Variants in LRRC27 observed in about 807,000 individuals in gnomAD.
LRRC27 encodes the protein leucine rich repeat containing 27.
In LRRC27, 57 loss-of-function variants were observed where a neutral mutation model predicts 55.0. That is an observed-to-expected ratio of 1.04 (90% confidence interval 0.84 to 1.29). The LOEUF is 1.29. Ranked by LOEUF, LRRC27 falls within the 50% of genes most tolerant of loss-of-function variation. LRRC27 has a pLI of 0.00. For synonymous variants in LRRC27, 278 were observed against 251.9 expected (o/e 1.10, Z -0.98); for missense variants, 721 against 651.5 (o/e 1.11, Z -1.16).
At chr10:132,335,103 A>T (rs2067050585) in intron 2 of LRRC27, 1 of 152,234 alleles carries the variant, frequency 6.6e-6, no homozygotes, top group South Asian at 2.1e-4. Context: ...ACCACATGAG[A>T]AACAAACTTA....
In LRRC27 at chr10:132,375,950, T is replaced by A. The variant is rs2069333101; in HGVS notation, c.*708T>A. The A allele has an allele frequency of 6.6e-6, 1 of 152,088 alleles. No homozygotes were observed. Among genetic ancestry groups the A allele is most frequent in the African/African-American group, 2.4e-5 (1 of 41,380 alleles). The allele number at this position is 152,088 out of a possible 1,614,324, so 9.4% of individuals were successfully genotyped here. Reference sequence around the variant, plus strand: ...CCAGGCTGTGTAGATTCTGTGTGACTTAGTCTCTTGTGCTGAGTGTTTGCT... The same window carrying A: ...CCAGGCTGTGTAGATTCTGTGTGACATAGTCTCTTGTGCTGAGTGTTTGCT... On this transcript the variant is annotated 3_prime_UTR_variant, in exon 11 of 11. Transcript: ENST00000368614.
chr10:132,365,279 G>C (rs2133084199), intron 9 of LRRC27, 145 bp from the exon 10 acceptor site: 1 of 1,143,876 alleles, frequency 8.7e-7, no homozygotes, highest in African/African-American at 1.5e-5. Context: ...CAGCGCCACA[G>C]TAACTGGCAC....
chr10:132,372,772 G>A lies in LRRC27; in HGVS notation c.1417-2294G>A, dbSNP rs937692964. On this transcript the variant is annotated intron_variant, in intron 10 of 10. Transcript: ENST00000368614. The surrounding 1 kb of genome is among the most constrained non-coding windows in gnomAD (Gnocchi z 4.0). ...CCTGCAGAAGGTCAGGTGCACAACCGACCAGGAGGGCTGGCCAGCTCCATG... is the reference window on the plus strand; with the variant it reads ...CCTGCAGAAGGTCAGGTGCACAACCAACCAGGAGGGCTGGCCAGCTCCATG... Among the ~76,000 whole-genome samples the A allele has an allele frequency of 2.0e-5, 3 of 152,134 alleles. No homozygotes were observed. Among genetic ancestry groups the A allele is most frequent in the Non-Finnish European group, 4.4e-5 (3 of 68,030 alleles).
intron 9 of LRRC27, among the ~76,000 whole-genome samples, chr10:132,364,762 T>C (rs61864523): frequency 0.16 from 188 of 1,202 alleles, 1 homozygote; most frequent in Admixed American, 0.38. Context: ...ACACTTACAC[T>C]CATGCTTACA....
intron 9 of LRRC27, among the ~76,000 whole-genome samples, chr10:132,362,346 G>T (rs1039281033): frequency 6.6e-5 from 10 of 152,202 alleles, no homozygotes; most frequent in African/African-American, 2.4e-4. Flanking sequence ...GGACCAACGT[G>T]AGGGGAAGGG....
chr10:132,333,819 G>T, intron 2 of LRRC27, 85 bp downstream of exon 2: 1 of 1,021,472 alleles, frequency 9.8e-7, no homozygotes, highest in South Asian at 1.6e-5. Flanking sequence ...TTATTTGTAG[G>T]CTTCTTTCTC....
At chr10:132,352,674 TGAGGCCTCCATGTGGGGCAGGTGCA>T (rs2068105827) in intron 7 of LRRC27, among the ~76,000 whole-genome samples, 1 of 138,088 alleles carries the variant, frequency 7.2e-6, no homozygotes, top group Non-Finnish European at 1.5e-5. Flanking sequence ...GGGCAGGCGC[TGAGGCCTCCATGTGGGGCAGGTGCA>T]GCGCTCGTGG....
At chr10:132,330,962 G>C (rs7096166), upstream of LRRC27, among the ~76,000 whole-genome samples, 1 of 150,452 alleles carries the variant, frequency 6.6e-6, no homozygotes, top group Non-Finnish European at 1.5e-5. Context: ...CAGCACTTTG[G>C]GAGGCCGAGG....
Position 132,363,718 on chromosome 10 carries a change from C to T in LRRC27, c.1290-1706C>T, listed in dbSNP as rs114032511. ...GCTTGGAAGGCCCAGGGCCTGGCCC[C>T]GGCCCTGCTGCTCAGCGTACGTCTG... On this transcript the variant is annotated intron_variant, in intron 9 of 10. Coordinates refer to ENST00000368614, the MANE Select transcript of LRRC27 (RefSeq NM_030626.3). Among the ~76,000 whole-genome samples the T allele has an allele frequency of 9.1e-3, 1,388 of 152,266 alleles. 13 individuals are homozygous for T. Among genetic ancestry groups the T allele is most frequent in the African/African-American group, 0.023 (941 of 41,560 alleles).
chr10:132,342,278 A>T lies in LRRC27; in HGVS notation c.400+7A>T, dbSNP rs1333847929. On this transcript the variant is annotated splice_region_variant and intron_variant, in intron 4 of 10. Coordinates refer to ENST00000368614, the MANE Select transcript of LRRC27 (RefSeq NM_030626.3). ...ATGTTACCTGTGGAGCTGGGTAAGTATAAAATAATAAAAAGATGATTTTAA... is the reference window on the plus strand; with the variant it reads ...ATGTTACCTGTGGAGCTGGGTAAGTTTAAAATAATAAAAAGATGATTTTAA... The T allele has an allele frequency of 6.8e-7, 1 of 1,474,768 alleles. No homozygotes were observed. Among genetic ancestry groups the T allele is most frequent in the Non-Finnish European group, 9.1e-7 (1 of 1,094,810 alleles). The allele number at this position is 1,474,768 out of a possible 1,614,324, so 91.4% of individuals were successfully genotyped here.
chr10:132,352,097 GATGCTGAGGCCTCC>G (rs2068054691), intron 7 of LRRC27, among the ~76,000 whole-genome samples: 1 of 86,962 alleles, frequency 1.1e-5, no homozygotes, highest in Non-Finnish European at 2.6e-5. Flanking sequence ...GTGTGGGGCA[GATGCTGAGGCCTCC>G]GTGTGGGGCA....
intron 5 of LRRC27, 142 bp downstream of exon 5, chr10:132,344,792 C>T: frequency 2.4e-6 from 2 of 819,310 alleles, no homozygotes; most frequent in Non-Finnish European, 3.7e-6. Context: ...ACACAGTGTA[C>T]ACTGATCTCA....
chr10:132,332,635 G>A (rs1199661075), intron 1 of LRRC27: 2 of 152,128 alleles, frequency 1.3e-5, no homozygotes, highest in African/African-American at 4.8e-5. Context: ...GTGATTCGGA[G>A]AAAACAAGTG....
intron 10 of LRRC27, chr10:132,366,824 C>T: frequency 7.9e-7 from 1 of 1,261,420 alleles, no homozygotes; most frequent in Non-Finnish European, 1.0e-6. Context: ...CCCACCATTT[C>T]CGCTGTTTCC....
In LRRC27 at chr10:132,355,860, A is replaced by G. The variant is rs1366753140; in HGVS notation, c.1144A>G (p.Lys382Glu). The change falls in exon 8 of 11, where the codon AAA becomes GAA. Residue 382 changes from lysine to glutamate, a missense_variant. Physicochemically the swap from Lys to Glu is moderately conservative, Grantham distance 56. Coordinates refer to ENST00000368614, the MANE Select transcript of LRRC27 (RefSeq NM_030626.3). ...GAGGAAGAGGAAGGAAGAGCTCAGCAAACTCCTGCCTCCGCGGAGGAGCAT... is the reference window on the plus strand; with the variant it reads ...GAGGAAGAGGAAGGAAGAGCTCAGCGAACTCCTGCCTCCGCGGAGGAGCAT... ...RMRKRKEELS[K>E]LLPPRRSMVA... The G allele has an allele frequency of 1.4e-5, 22 of 1,557,418 alleles. No homozygotes were observed. Among genetic ancestry groups the G allele is most frequent in the South Asian group, 3.6e-5 (3 of 84,420 alleles).
chr10:132,333,805 G>T (rs1489292267), intron 2 of LRRC27, 71 bp downstream of exon 2: 4 of 1,153,990 alleles, frequency 3.5e-6, no homozygotes, highest in Non-Finnish European at 4.9e-6. Flanking sequence ...TGTACCCCTG[G>T]GCTTTATTTG....
rs558829770 is a variant in LRRC27 at position 132,363,598 on chromosome 10, C to T, written c.1290-1826C>T. ...CATGAGCACTGCTCTCCGGTGCCCC[C>T]GTGCTTTCCTGGCCTGCACCAGGCT... On this transcript the variant is annotated intron_variant, in intron 9 of 10. Coordinates refer to ENST00000368614, the MANE Select transcript of LRRC27 (RefSeq NM_030626.3). Among the ~76,000 whole-genome samples, 18 of 152,308 alleles carry T rather than the reference C, an allele frequency of 1.2e-4. No individual in the cohort carries two copies. In the East Asian group the frequency reaches 1.4e-3, roughly 11 times the overall value.
chr10:132,352,880 A>G, intron 7 of LRRC27: 2 of 1,613,828 alleles, frequency 1.2e-6, no homozygotes, highest in Non-Finnish European at 8.5e-7. Flanking sequence ...GTTCTTCCTC[A>G]GTCCTTTCCT....
chr10:132,369,626 A>T (rs373247810), intron 10 of LRRC27, among the ~76,000 whole-genome samples: 10 of 152,198 alleles, frequency 6.6e-5, no homozygotes, highest in East Asian at 5.8e-4. Flanking sequence ...GTATTGTTGG[A>T]TCCATGTGAT....
Sources: gnomAD v4.1 joint callset for allele counts (sites outside exome capture counted in the v4.1 genomes callset) on GRCh38, gnomAD v4.1.1 for gene constraint, Gnocchi (gnomAD v3.1) non-coding constraint, MANE v1.5 for transcripts, NCBI Gene and HGNC (gene_info 2026-07-23, HGNC 2026-07-21) for gene names.